FMN1: variants seen among roughly 807,000 people sequenced by gnomAD.
FMN1 encodes the protein formin 1.
FMN1 carries 110 observed loss-of-function variants against 132.4 expected under a neutral mutation model. That is an observed-to-expected ratio of 0.83 (90% CI 0.71 to 0.97). The LOEUF (loss-of-function observed/expected upper bound fraction) is 0.97. Ranked by LOEUF, FMN1 falls within the 50% of genes least tolerant of loss-of-function variation. FMN1 has a pLI of 0.00. For synonymous variants in FMN1, 722 were observed against 651.7 expected, an observed-to-expected ratio of 1.11 and a Z score of -1.64; for missense variants, 1,792 against 1,705.3, an observed-to-expected ratio of 1.05 and a Z score of -0.90.
chr15:32,954,222 A>G (rs1392027024), intron 9 of FMN1, among the ~76,000 whole-genome samples: 4 of 152,146 alleles, frequency 2.6e-5, no homozygotes, highest in Admixed American at 6.5e-5. Flanking sequence ...CAATATATAT[A>G]CCTTACATTT....
chr15:32,871,352 A>C (rs2059511532), intron 16 of FMN1, among the ~76,000 whole-genome samples: 1 of 152,116 alleles, frequency 6.6e-6, no homozygotes, highest in Non-Finnish European at 1.5e-5. Context: ...GGGTTGCCTT[A>C]CTTATATTTG....
In FMN1 at chr15:32,892,692, C is replaced by T. The variant is rs529251148; in HGVS notation, c.3715-4400G>A. ...TGCTGTAAATCCATCTGGTCCTGGA[C>T]CTTTTTTTTTGTTGGTAATTTTAAA... On this transcript the variant is annotated intron_variant, in intron 15 of 20. Coordinates refer to ENST00000616417, the MANE Select transcript of FMN1 (RefSeq NM_001277313.2). Among the ~76,000 whole-genome samples, 388 of 152,096 alleles carry T rather than the reference C, an allele frequency of 2.6e-3. 3 individuals carry two copies. Among genetic ancestry groups the T allele is most frequent in the Non-Finnish European group, 4.7e-3 (317 of 67,956 alleles).
chr15:32,926,247 C>T lies in FMN1; in HGVS notation c.3153G>A (p.Leu1051=), dbSNP rs1026621608. ...KNKVKKIIKL[L]DGKRSQTVGI... is the part of the protein sequence containing the mutation. ...CCACAGTTTGAGATCGTTTTCCATC[C>T]AACAATTTGATGATCTAAAATTAGA... Residue 1051 remains leucine (L), a synonymous_variant, in exon 10 of 21, where the codon TTG becomes TTA. Coordinates refer to ENST00000616417, the MANE Select transcript of FMN1 (RefSeq NM_001277313.2). The T allele has an allele frequency of 6.7e-7, 1 of 1,488,748 alleles. No individual in the cohort carries two copies. The highest frequency in any genetic ancestry group is 9.1e-7 in the Non-Finnish European group (1 of 1,102,374). 92.2% of individuals were successfully genotyped at this position (1,488,748 alleles called of 1,614,324 possible).
intron 16 of FMN1, among the ~76,000 whole-genome samples, chr15:32,879,919 T>C (rs1170181004): frequency 6.6e-6 from 1 of 152,182 alleles, no homozygotes; most frequent in African/African-American, 2.4e-5. Flanking sequence ...GTACATTCTA[T>C]GCACTTTAAG....
intron 16 of FMN1, among the ~76,000 whole-genome samples, chr15:32,878,163 G>C (rs745622601): frequency 6.6e-6 from 1 of 152,194 alleles, no homozygotes; most frequent in Non-Finnish European, 1.5e-5. Flanking sequence ...CTAGGAGAGG[G>C]ACCCACTACT....
intron 9 of FMN1, among the ~76,000 whole-genome samples, chr15:32,953,488 C>T (rs1246903874): frequency 6.6e-6 from 1 of 152,068 alleles, no homozygotes; most frequent in Non-Finnish European, 1.5e-5. Context: ...TTGTAAGGTC[C>T]GTGTTTACAG....
At chr15:33,061,147 C>T (rs980727626) in intron 6 of FMN1, among the ~76,000 whole-genome samples, 3 of 152,108 alleles carry the variant, frequency 2.0e-5, no homozygotes, top group African/African-American at 7.2e-5. Context: ...TCTATCATTG[C>T]TAGATTTTAA....
intron 17 of FMN1, among the ~76,000 whole-genome samples, chr15:32,813,250 G>A (rs1334926728): frequency 1.3e-5 from 2 of 152,184 alleles, no homozygotes; most frequent in East Asian, 3.9e-4. Context: ...ACTGAGGGAT[G>A]ACCATAATCT....
intron 16 of FMN1, among the ~76,000 whole-genome samples, chr15:32,865,964 G>A (rs1596122342): frequency 6.6e-6 from 1 of 151,984 alleles, no homozygotes; most frequent in African/African-American, 2.4e-5. Context: ...AATAGCTTTC[G>A]CACATTCTTA....
chr15:32,895,789 C>T lies in FMN1; in HGVS notation c.3714+3045G>A, dbSNP rs564577797. 8.3e-4 allele frequency among the ~76,000 whole-genome samples: 126 copies of T among 151,970 alleles called. 1 individual carries two copies. Among genetic ancestry groups the T allele is most frequent in the African/African-American group, 2.9e-3 (120 of 41,444 alleles). On this transcript the variant is annotated intron_variant, in intron 15 of 20. Transcript: ENST00000616417. ...AGTTCATTGTCTATTATGTTGTAAA[C>T]ATTTTACCAGTACATTATTTTGAAT... is the stretch of plus-strand genomic sequence containing the variant.
chr15:32,822,739 AAT>A (rs1265298810), intron 17 of FMN1, among the ~76,000 whole-genome samples: 1 of 152,176 alleles, frequency 6.6e-6, no homozygotes, highest in African/African-American at 2.4e-5. Context: ...CTCTTTTAAA[AAT>A]ATTTCATCAA....
intron 16 of FMN1, among the ~76,000 whole-genome samples, chr15:32,886,221 A>G (rs1423378621): frequency 6.6e-6 from 1 of 152,222 alleles, no homozygotes; most frequent in African/African-American, 2.4e-5. Context: ...TCTAAAGATT[A>G]GCAGGGCATT....
chr15:32,968,874 G>A lies in FMN1; in HGVS notation c.2827C>T (p.Pro943Ser). The A allele has an allele frequency of 3.1e-6, 4 of 1,276,464 alleles. No individual in the cohort carries two copies. The South Asian group carries it at 3.9e-5, about 12-fold the overall frequency. 79.1% of individuals were successfully genotyped at this position (1,276,464 alleles called of 1,614,324 possible). ...SPAPPNPGGP[P>S]PAPPPPGLAP... ...AGTCCTGGGGGTGGTGGAGCAGGAG[G>A]AGGCCCTCCAGGGTTGGGTGGGGCA... is the stretch of plus-strand genomic sequence containing the variant. Residue 943 changes from proline (P) to serine (S), a missense_variant, in exon 8 of 21, where the codon CCT (proline) becomes TCT (serine). Around this residue, in one of 3 missense-constraint regions of FMN1, gnomAD observed 1,150 missense variants for 1,043.1 expected, o/e 1.10. Transcript: ENST00000616417.
At chr15:33,093,629 G>A (rs1031969336) in intron 4 of FMN1, among the ~76,000 whole-genome samples, 3 of 152,206 alleles carry the variant, frequency 2.0e-5, no homozygotes, top group African/African-American at 7.2e-5. Context: ...ATACAATTCT[G>A]AGAAGGTGTG....
At chr15:32,941,099 C>T (rs1282775775) in intron 9 of FMN1, among the ~76,000 whole-genome samples, 1 of 152,028 alleles carries the variant, frequency 6.6e-6, no homozygotes, top group East Asian at 1.9e-4. Flanking sequence ...CTGCAGGAAC[C>T]AATAATATGA....
At chr15:33,110,551 A>T (rs2039661990) in intron 4 of FMN1, among the ~76,000 whole-genome samples, 1 of 152,070 alleles carries the variant, frequency 6.6e-6, no homozygotes, top group Non-Finnish European at 1.5e-5. Context: ...GTATTAACCA[A>T]GGAGAGCATT....
intron 19 of FMN1, among the ~76,000 whole-genome samples, chr15:32,798,216 A>ACACACACACCC (rs1286307994): frequency 1.4e-5 from 2 of 140,876 alleles, no homozygotes; most frequent in African/African-American, 5.2e-5. Context: ...ACACACACAC[A>ACACACACACCC]CCCCGTCTAT....
intron 16 of FMN1, among the ~76,000 whole-genome samples, chr15:32,868,750 T>A (rs1296184597): frequency 6.6e-6 from 1 of 152,134 alleles, no homozygotes; most frequent in East Asian, 1.9e-4. Context: ...TACACATTTT[T>A]TTTTAAATCC....
intron 17 of FMN1, among the ~76,000 whole-genome samples, chr15:32,838,499 C>T (rs896085165): frequency 6.6e-6 from 1 of 152,132 alleles, no homozygotes; most frequent in Non-Finnish European, 1.5e-5. Context: ...TAAACACAAA[C>T]AGCAGCAGCC....
Sources: allele counts gnomAD v4.1 joint callset (sites outside exome capture counted in the v4.1 genomes callset), GRCh38; gene constraint gnomAD v4.1.1; regional missense constraint gnomAD v4.1.1; transcripts MANE v1.5; gene names NCBI Gene and HGNC (gene_info 2026-07-23, HGNC 2026-07-21).